Variants in MGARP observed in about 807,000 individuals in gnomAD.
The protein encoded by MGARP is mitochondria localized glutamic acid rich protein, also known as protein MGARP.
MGARP carries 12 observed loss-of-function variants against 11.0 expected under a neutral mutation model. The observed-to-expected ratio is 1.09, with a 90% confidence interval of 0.70 to 1.77. MGARP has a LOEUF of 1.77. Ranked by LOEUF, MGARP falls within the 40% of genes most tolerant of loss-of-function variation. The pLI is 0.00. For missense variants in MGARP, 283 were observed against 297.8 expected, an observed-to-expected ratio of 0.95 and a Z score of 0.36; for synonymous variants, 110 against 115.4, an observed-to-expected ratio of 0.95 and a Z score of 0.30.
At chr4:139,271,296 C>T (rs894989666) in intron 2 of MGARP, among the ~76,000 whole-genome samples, 15 of 152,084 alleles carry the variant, frequency 9.9e-5, no homozygotes, top group South Asian at 4.1e-4. Flanking sequence ...GAGGCCGAGG[C>T]GGGTGGATCA....
At chr4:139,270,295 T>A in intron 2 of MGARP, among the ~76,000 whole-genome samples, 2 of 125,014 alleles carry the variant, frequency 1.6e-5, no homozygotes. Context: ...GGAAACTCCG[T>A]CTCAAAAAAA....
At chr4:139,268,353 G>GA (rs1374077712) in intron 3 of MGARP, among the ~76,000 whole-genome samples, 1 of 152,178 alleles carries the variant, frequency 6.6e-6, no homozygotes, top group Admixed American at 6.5e-5. Flanking sequence ...TAGATAATGA[G>GA]AAAAATGAAA....
intron 2 of MGARP, among the ~76,000 whole-genome samples, chr4:139,273,300 G>A (rs1384984109): frequency 6.6e-6 from 1 of 151,634 alleles, no homozygotes; most frequent in Non-Finnish European, 1.5e-5. Flanking sequence ...GCTCACTGCA[G>A]CCTTAACTTC....
At chr4:139,267,490 A>T (rs552160644) in intron 3 of MGARP, among the ~76,000 whole-genome samples, 2 of 152,308 alleles carry the variant, frequency 1.3e-5, no homozygotes, top group African/African-American at 4.8e-5. Flanking sequence ...CCAAGTTCCT[A>T]GCTGGTGACT....
rs758952668 is a variant in MGARP, at chr4:139,268,732, G to A, written c.220C>T (p.His74Tyr). 1 of 1,612,296 alleles carries A rather than the reference G, an allele frequency of 6.2e-7. No individual in the cohort carries two copies. Among genetic ancestry groups the A allele is most frequent in the Admixed American group, 1.7e-5 (1 of 59,884 alleles). The change falls in exon 3 of 4, where the codon CAC (histidine) becomes TAC (tyrosine). Residue 74 changes from histidine (H) to tyrosine (Y), a missense_variant. By Grantham distance (83) the His-to-Tyr change is moderately conservative. Coordinates refer to ENST00000398955, the MANE Select transcript of MGARP (RefSeq NM_032623.4). Reference sequence around the variant, plus strand: ...TTCAAATTTGTTTTATGTTCTGTGTGTTTGGCTTGGTCTGATGTGACTGTC... The same window carrying A: ...TTCAAATTTGTTTTATGTTCTGTGTATTTGGCTTGGTCTGATGTGACTGTC... ...YKTVTSDQAK[H>Y]TEHKTNLKEK...
Position 139,268,709 on chromosome 4 carries a change from C to T in MGARP, c.243G>A (p.Leu81=), listed in dbSNP as rs1402538303. Residue 81 remains leucine (L), a synonymous_variant, in exon 3 of 4, where the codon TTG becomes TTA. Transcript: ENST00000398955. ...QAKHTEHKTN[L]KEKTKAEIHP... is the part of the protein sequence containing the mutation. ...GTATCTCTGCTTTTGTTTTTTCTTT[C>T]AAATTTGTTTTATGTTCTGTGTGTT... 1 of 1,610,042 alleles carries T rather than the reference C, an allele frequency of 6.2e-7. No homozygotes were observed. The highest frequency in any genetic ancestry group is 8.5e-7 in the Non-Finnish European group (1 of 1,178,688).
chr4:139,278,620 G>T (rs566748048), intron 1 of MGARP, among the ~76,000 whole-genome samples: 2 of 152,164 alleles, frequency 1.3e-5, no homozygotes, highest in African/African-American at 4.8e-5. Context: ...GTGCACGCGC[G>T]CATGATGTCG....
At chr4:139,278,574 A>G (rs932964311) in intron 1 of MGARP, among the ~76,000 whole-genome samples, 2 of 152,184 alleles carry the variant, frequency 1.3e-5, no homozygotes, top group Non-Finnish European at 2.9e-5. Context: ...GCTACAAAAA[A>G]AAGGTGCGCG....
At chr4:139,267,122 T>G in intron 3 of MGARP, 81 bp from the exon 4 acceptor site, 1 of 1,356,390 alleles carries the variant, frequency 7.4e-7, no homozygotes, top group East Asian at 2.3e-5. Context: ...TTTAAACACC[T>G]AAGACAGAAC....
intron 2 of MGARP, among the ~76,000 whole-genome samples, chr4:139,273,925 A>C (rs548213588): frequency 8.5e-5 from 13 of 152,334 alleles, no homozygotes; most frequent in Non-Finnish European, 1.6e-4. Context: ...TTTTAGTCCC[A>C]AAATCTCACT....
chr4:139,273,608 G>T (rs1744822226), intron 2 of MGARP, among the ~76,000 whole-genome samples: 1 of 148,602 alleles, frequency 6.7e-6, no homozygotes, highest in South Asian at 2.1e-4. Context: ...TCCACCTCCT[G>T]GGTTCAAGTG....
chr4:139,279,765 A>T lies in MGARP; in HGVS notation c.82+312T>A, dbSNP rs180782131. 3.7e-4 allele frequency among the ~76,000 whole-genome samples: 56 copies of T among 152,308 alleles called. 3 individuals carry two copies. In the East Asian group the frequency reaches 9.8e-3, roughly 27 times the overall value. Reference sequence around the variant, plus strand: ...AGTGCTTTTAACCATACATTAACTCATTAAAAAGGAAAACCATCATCGCCC... The same window carrying T: ...AGTGCTTTTAACCATACATTAACTCTTTAAAAAGGAAAACCATCATCGCCC... On this transcript the variant is annotated intron_variant, in intron 1 of 3. Coordinates refer to ENST00000398955, the MANE Select transcript of MGARP (RefSeq NM_032623.4).
At chr4:139,275,879 A>G (rs1048639199) in intron 1 of MGARP, among the ~76,000 whole-genome samples, 26 of 152,236 alleles carry the variant, frequency 1.7e-4, no homozygotes, top group Non-Finnish European at 1.3e-4. Flanking sequence ...AATCTATAAT[A>G]CACATGTAGG....
At chr4:139,278,097 C>T (rs953508361) in intron 1 of MGARP, among the ~76,000 whole-genome samples, 8 of 151,926 alleles carry the variant, frequency 5.3e-5, no homozygotes, top group Non-Finnish European at 1.2e-4. Context: ...TGTGGTGGCC[C>T]GTGCCTGTAA....
At chr4:139,275,144 G>T (rs982082457) in intron 2 of MGARP, 145 bp downstream of exon 2, 9 of 564,574 alleles carry the variant, frequency 1.6e-5, no homozygotes, top group Non-Finnish European at 2.5e-5. Context: ...CTATTTTTCA[G>T]ATGTGTATGC....
chr4:139,272,769 C>T (rs555181337), intron 2 of MGARP, among the ~76,000 whole-genome samples: 146 of 148,424 alleles, frequency 9.8e-4, no homozygotes, highest in African/African-American at 2.7e-3. Context: ...TCACTGCAAC[C>T]TCCGCCTCCC....
intron 2 of MGARP, among the ~76,000 whole-genome samples, chr4:139,272,686 C>CTTTTTT (rs774228171): frequency 7.2e-5 from 8 of 111,234 alleles, no homozygotes; most frequent in Admixed American, 9.3e-5. Context: ...ATTCATATTT[C>CTTTTTT]TTTTTTTTTT....
intron 2 of MGARP, among the ~76,000 whole-genome samples, chr4:139,270,067 TGAG>T (rs1266263178): frequency 1.3e-5 from 2 of 151,868 alleles, no homozygotes; most frequent in African/African-American, 4.8e-5. Flanking sequence ...TTTGGGAGGC[TGAG>T]GCCAGCGGAT....
At chr4:139,273,514 T>TA (rs1278090114) in intron 2 of MGARP, among the ~76,000 whole-genome samples, 1 of 146,358 alleles carries the variant, frequency 6.8e-6, no homozygotes, top group African/African-American at 2.5e-5. Context: ...TTTATTCTTT[T>TA]TTTTTTTTTT....
Sources: allele counts gnomAD v4.1 joint callset (sites outside exome capture counted in the v4.1 genomes callset), GRCh38; gene constraint gnomAD v4.1.1; transcripts MANE v1.5; gene names NCBI Gene and HGNC (gene_info 2026-07-23, HGNC 2026-07-21).